PNISR: variants seen among roughly 807,000 people sequenced by gnomAD.
PNISR encodes PNN interacting serine and arginine rich protein.
A neutral mutation model predicts 93.4 loss-of-function variants in PNISR; 20 were observed. The ratio of observed to expected loss-of-function variants is 0.21; its 90% confidence interval spans 0.15 to 0.31. The LOEUF (loss-of-function observed/expected upper bound fraction) is 0.31. Among genes scored for constraint, PNISR ranks in the 10% least tolerant of loss-of-function variants. PNISR has a pLI of 1.00. For missense variants in PNISR, 893 were observed against 985.4 expected (o/e 0.91, Z 1.25); for synonymous variants, 305 against 306.5 (o/e 0.99, Z 0.05).
At position 99,400,793 on chromosome 6, in the gene PNISR, G is replaced by A. The variant is rs765572340; in HGVS notation, c.2165C>T (p.Ser722Phe). 3.1e-6 allele frequency: 5 copies of A among 1,612,016 alleles called. No homozygotes were observed. The highest frequency in any genetic ancestry group is 4.2e-6 in the Non-Finnish European group (5 of 1,178,744). Reference protein sequence around the residue: ...KRKRESERTFSRSGSISVKII... With the variant: ...KRKRESERTFFRSGSISVKII... ...TTTAACAGATATAGAACCACTCCTA[G>A]AAAATGTTCTTTCACTTTCTCGTTT... The change falls in exon 12 of 12, where the codon TCT (serine) becomes TTT (phenylalanine). Residue 722 changes from serine (S) to phenylalanine (F), a missense_variant. Coordinates refer to ENST00000369239, the MANE Select transcript of PNISR (RefSeq NM_032870.4).
At position 99,398,704 on chromosome 6, in the gene PNISR, T is replaced by C. The variant is rs530623640; in HGVS notation, c.*1836A>G. 5.1e-4 allele frequency: 77 copies of C among 152,224 alleles called. No individual in the cohort carries two copies. Among genetic ancestry groups the C allele is most frequent in the Non-Finnish European group, 9.3e-4 (63 of 67,936 alleles). 9.4% of individuals were successfully genotyped at this position (152,224 alleles called of 1,614,324 possible). ...TGAAAATATTTCACTTCAAGATTGA[T>C]CTAAAAAACATTTTAAGATATGAAA... On this transcript the variant is annotated 3_prime_UTR_variant, in exon 12 of 12. Coordinates refer to ENST00000369239, the MANE Select transcript of PNISR (RefSeq NM_032870.4).
chr6:99,400,813 T>G lies in PNISR; in HGVS notation c.2145A>C (p.Arg715=). 1 of 1,612,376 alleles carries G rather than the reference T, an allele frequency of 6.2e-7. No homozygotes were observed. The highest frequency in any genetic ancestry group is 8.5e-7 in the Non-Finnish European group (1 of 1,178,964). The change falls in exon 12 of 12, where the codon CGA becomes CGC. Residue 715 remains arginine, a synonymous_variant. Coordinates refer to ENST00000369239, the MANE Select transcript of PNISR (RefSeq NM_032870.4). ...TCCTAGAAAATGTTCTTTCACTTTC[T>G]CGTTTCCTTTTTAATCTATCATCCT... The part of the protein sequence containing the change: ...SSQDDRLKRK[R]ESERTFSRSG...
intron 1 of PNISR, among the ~76,000 whole-genome samples, chr6:99,422,385 T>A (rs1041571922): frequency 1.3e-5 from 2 of 152,216 alleles, no homozygotes; most frequent in African/African-American, 4.8e-5. Flanking sequence ...CCCTGACATT[T>A]CAGTCTTACA....
chr6:99,411,790 GTTTTTTTT>G (rs1223091085), intron 4 of PNISR: 1 of 141,066 alleles, frequency 7.1e-6, no homozygotes, highest in African/African-American at 2.7e-5. Flanking sequence ...AAGTTTTAAG[GTTTTTTTT>G]TTTTTTTTTT....
chr6:99,408,378 T>C, intron 6 of PNISR, 107 bp from the exon 7 acceptor site: 2 of 729,112 alleles, frequency 2.7e-6, no homozygotes, highest in East Asian at 2.6e-5. Flanking sequence ...CTTTCTTCAA[T>C]GCCATCACTT....
In PNISR at chr6:99,409,241, G is replaced by A. The variant is rs1582797732; in HGVS notation, c.605C>T (p.Pro202Leu). Reference sequence around the variant, plus strand: ...ACGCTGACGATCCCTGAATGATGATGGCCTTTCTCTTCGATTCTGGGGAGG... The same window carrying A: ...ACGCTGACGATCCCTGAATGATGATAGCCTTTCTCTTCGATTCTGGGGAGG... ...PAPPQNRRER[P>L]SSFRDRQRSP... Residue 202 changes from proline to leucine, a missense_variant, in exon 6 of 12, where the codon CCA (proline) becomes CTA (leucine). Transcript: ENST00000369239. The A allele has an allele frequency of 6.2e-7, 1 of 1,614,004 alleles. No individual in the cohort carries two copies. The highest frequency in any genetic ancestry group is 1.1e-5 in the South Asian group (1 of 91,084).
intron 1 of PNISR, among the ~76,000 whole-genome samples, chr6:99,422,087 A>T (rs971361537): frequency 2.8e-4 from 43 of 152,138 alleles, no homozygotes; most frequent in African/African-American, 9.7e-4. Context: ...GGCTATCCTC[A>T]AACTTCTGGC....
intron 3 of PNISR, 78 bp from the exon 4 acceptor site, chr6:99,412,817 C>A (rs761496041): frequency 6.2e-5 from 54 of 864,552 alleles, no homozygotes; most frequent in Middle Eastern, 2.4e-4. Flanking sequence ...AAATAAGCAG[C>A]TCAACTATTC....
chr6:99,404,107 G>T, intron 9 of PNISR: 1 of 511,020 alleles, frequency 2.0e-6, no homozygotes, highest in Non-Finnish European at 3.5e-6. Context: ...ATGTTGACAG[G>T]TATATCTGTA....
chr6:99,413,570 C>CT (rs1777269192), intron 3 of PNISR, among the ~76,000 whole-genome samples: 1 of 152,102 alleles, frequency 6.6e-6, no homozygotes, highest in Non-Finnish European at 1.5e-5. Context: ...AAGCGATTTG[C>CT]CCACCTCAGC....
At chr6:99,421,935 G>A (rs1016090877) in intron 1 of PNISR, among the ~76,000 whole-genome samples, 6 of 151,608 alleles carry the variant, frequency 4.0e-5, no homozygotes, top group East Asian at 1.9e-4. Flanking sequence ...GTGTGATCTC[G>A]GCTTACGGCA....
chr6:99,423,687 C>A (rs60949884), intron 1 of PNISR, among the ~76,000 whole-genome samples: 173 of 152,284 alleles, frequency 1.1e-3, no homozygotes, highest in African/African-American at 4.1e-3. Context: ...AATAGCAGGG[C>A]ACCCTACAAT....
chr6:99,416,489 T>G, intron 1 of PNISR, 61 bp from the exon 2 acceptor site: 2 of 535,328 alleles, frequency 3.7e-6, no homozygotes, highest in Non-Finnish European at 5.7e-6. Flanking sequence ...AAAAATAAAT[T>G]CTAGAGATGC....
intron 6 of PNISR, among the ~76,000 whole-genome samples, chr6:99,408,891 T>A (rs1776488343): frequency 6.6e-6 from 1 of 152,166 alleles, no homozygotes; most frequent in African/African-American, 2.4e-5. Flanking sequence ...TGTACTGAAA[T>A]GCCTACACTG....
At chr6:99,422,595 C>A (rs906366750) in intron 1 of PNISR, among the ~76,000 whole-genome samples, 1 of 152,142 alleles carries the variant, frequency 6.6e-6, no homozygotes, top group Non-Finnish European at 1.5e-5. Flanking sequence ...AAGTGGAGGA[C>A]AAGCATGGCG....
chr6:99,406,205 T>C (rs1280942986), intron 7 of PNISR, 37 bp from the exon 8 acceptor site: 2 of 1,434,758 alleles, frequency 1.4e-6, no homozygotes, highest in South Asian at 2.5e-5. Flanking sequence ...CAAATTCATG[T>C]GTATAATGTA....
chr6:99,413,967 A>G (rs1777326814), intron 3 of PNISR, among the ~76,000 whole-genome samples: 1 of 152,240 alleles, frequency 6.6e-6, no homozygotes, highest in African/African-American at 2.4e-5. Context: ...AAATAACAAA[A>G]CACCCAAAAG....
At chr6:99,413,874 C>T (rs969168750) in intron 3 of PNISR, among the ~76,000 whole-genome samples, 1 of 152,160 alleles carries the variant, frequency 6.6e-6, no homozygotes, top group South Asian at 2.1e-4. Flanking sequence ...AAACCTAGCT[C>T]TTTTAATAAG....
chr6:99,424,334 CTGTG>C (rs1779122879), intron 1 of PNISR, among the ~76,000 whole-genome samples: 1 of 152,048 alleles, frequency 6.6e-6, no homozygotes. Context: ...AGAAGATAAA[CTGTG>C]TGTGTAGTGG....
Sources: allele counts gnomAD v4.1 joint callset (sites outside exome capture counted in the v4.1 genomes callset), GRCh38; gene constraint gnomAD v4.1.1; transcripts MANE v1.5; gene names NCBI Gene and HGNC (gene_info 2026-07-23, HGNC 2026-07-21).